The following SCN2A variants were observed in gnomAD, a reference collection of about 807,000 sequenced individuals.
The protein encoded by SCN2A is sodium channel protein type 2 subunit alpha.
In SCN2A, 20 loss-of-function variants were observed where a neutral mutation model predicts 188.7. The ratio of observed to expected loss-of-function variants is 0.11; its 90% CI spans 0.07 to 0.15. The LOEUF is 0.15. Ranked by LOEUF, SCN2A falls within the 10% of genes least tolerant of loss-of-function variation. SCN2A has a pLI of 1.00. For synonymous variants in SCN2A, 804 were observed against 833.1 expected, an observed-to-expected ratio of 0.97 and a Z score of 0.60; for missense variants, 1,278 against 2,445.0, an observed-to-expected ratio of 0.52 and a Z score of 10.07.
At chr2:165,373,706 C>A (rs1252784468) in intron 21 of SCN2A, among the ~76,000 whole-genome samples, 1 of 152,154 alleles carries the variant, frequency 6.6e-6, no homozygotes, top group Non-Finnish European at 1.5e-5. Flanking sequence ...CTCATCATTT[C>A]TTCACTACTC....
chr2:165,294,615 T>TG (rs1414249178), intron 1 of SCN2A, among the ~76,000 whole-genome samples: 1 of 152,100 alleles, frequency 6.6e-6, no homozygotes, highest in African/African-American at 2.4e-5. Context: ...TCCTATAGTA[T>TG]GGGGGTGAAA....
chr2:165,287,353 T>G (rs936792698), intron 1 of SCN2A, among the ~76,000 whole-genome samples: 1 of 152,176 alleles, frequency 6.6e-6, no homozygotes, highest in Non-Finnish European at 1.5e-5. Flanking sequence ...TGAAGTTGTG[T>G]GCATGCTCAC....
intron 20 of SCN2A, chr2:165,370,569 A>G: frequency 5.4e-6 from 2 of 369,530 alleles, no homozygotes; most frequent in South Asian, 8.9e-5. Context: ...AAAATAAAAT[A>G]TGAATTTAGA....
chr2:165,260,830 G>A (rs1694561559), intron 1 of SCN2A, among the ~76,000 whole-genome samples: 1 of 151,720 alleles, frequency 6.6e-6, no homozygotes, highest in Admixed American at 6.6e-5. Flanking sequence ...ATGAGTTGGG[G>A]GTGGTGGCAG....
chr2:165,315,862 C>T, intron 11 of SCN2A, 104 bp downstream of exon 11: 1 of 1,276,752 alleles, frequency 7.8e-7, no homozygotes, highest in Non-Finnish European at 1.1e-6. Context: ...TGGCACAATG[C>T]TTTCAGAGTA....
At chr2:165,252,240 G>A (rs934258751) in intron 1 of SCN2A, among the ~76,000 whole-genome samples, 40 of 152,004 alleles carry the variant, frequency 2.6e-4, no homozygotes, top group African/African-American at 8.2e-4. Context: ...ATATCTGAAT[G>A]CATCAAGATA....
At position 165,332,216 on chromosome 2, in the gene SCN2A, G is replaced by A. The variant is rs140710804; in HGVS notation, c.2388+648G>A. Among the ~76,000 whole-genome samples the A allele has an allele frequency of 3.9e-5, 6 of 152,028 alleles. No homozygotes were observed. The East Asian group carries it at 7.7e-4, about 20-fold the overall frequency. On this transcript the variant is annotated intron_variant, in intron 14 of 26. Transcript: ENST00000375437. ...AAGTATATTTATACAAGTATAAAAT[G>A]CTTATTAAGTTCCCAGCTTGATAAA...
At chr2:165,321,460 C>T (rs1350182014) in intron 11 of SCN2A, among the ~76,000 whole-genome samples, 1 of 152,162 alleles carries the variant, frequency 6.6e-6, no homozygotes, top group Non-Finnish European at 1.5e-5. Context: ...TATCAATTTA[C>T]TGTATTAATC....
intron 18 of SCN2A, among the ~76,000 whole-genome samples, chr2:165,366,406 T>C (rs1700728032): frequency 6.6e-6 from 1 of 152,166 alleles, no homozygotes; most frequent in Non-Finnish European, 1.5e-5. Context: ...TTATTGATAA[T>C]GGCCAGATTT....
chr2:165,279,275 G>A (rs1695482274), intron 1 of SCN2A, among the ~76,000 whole-genome samples: 1 of 152,196 alleles, frequency 6.6e-6, no homozygotes, highest in African/African-American at 2.4e-5. Flanking sequence ...TGGTATTTGA[G>A]ATAATTTTGA....
intron 3 of SCN2A, among the ~76,000 whole-genome samples, chr2:165,303,876 A>C (rs772162434): frequency 1.3e-5 from 2 of 152,186 alleles, no homozygotes; most frequent in African/African-American, 2.4e-5. Flanking sequence ...TCGACTTATT[A>C]TCAGTGACTA....
chr2:165,331,075 A>G lies in SCN2A; in HGVS notation c.2150-255A>G, dbSNP rs890129521. Among the ~76,000 whole-genome samples, 4 of 152,186 alleles carry G rather than the reference A, an allele frequency of 2.6e-5. No individual in the cohort carries two copies. In the East Asian group the frequency reaches 7.7e-4, roughly 29 times the overall value. ...TCTAGCAGCCTTGAAGATAAGTATCAGACAGTTTAGTGTTGCCAATAGAAT... is the reference window on the plus strand; with the variant it reads ...TCTAGCAGCCTTGAAGATAAGTATCGGACAGTTTAGTGTTGCCAATAGAAT... On this transcript the variant is annotated intron_variant, in intron 13 of 26. Transcript: ENST00000375437.
At chr2:165,373,728 A>C (rs539225190) in intron 21 of SCN2A, among the ~76,000 whole-genome samples, 2 of 152,264 alleles carry the variant, frequency 1.3e-5, no homozygotes, top group Non-Finnish European at 2.9e-5. Flanking sequence ...GCTGTGATAC[A>C]CTTTGAGCCT....
intron 1 of SCN2A, among the ~76,000 whole-genome samples, chr2:165,287,685 C>T (rs947686789): frequency 2.0e-5 from 3 of 152,196 alleles, no homozygotes; most frequent in African/African-American, 7.2e-5. Flanking sequence ...CCTACTCTAA[C>T]ATTGCTTCTC....
intron 1 of SCN2A, among the ~76,000 whole-genome samples, chr2:165,253,540 A>G (rs966832355): frequency 1.3e-5 from 2 of 152,146 alleles, no homozygotes; most frequent in African/African-American, 4.8e-5. Context: ...ATTGGGACAC[A>G]GCCATGCTTA....
chr2:165,262,389 GTCCTCAAAGTCCATTGTA>G (rs1694633864), intron 1 of SCN2A, among the ~76,000 whole-genome samples: 1 of 151,982 alleles, frequency 6.6e-6, no homozygotes, highest in Non-Finnish European at 1.5e-5. Flanking sequence ...TTTCCCCTGA[GTCCTCAAAGTCCATTGTA>G]TCATTCTTAT....
chr2:165,254,663 TGACAATTTCACTTTCATA>T (rs1694241803), intron 1 of SCN2A, among the ~76,000 whole-genome samples: 1 of 151,844 alleles, frequency 6.6e-6, no homozygotes, highest in Non-Finnish European at 1.5e-5. Context: ...TACATCATTT[TGACAATTTCACTTTCATA>T]GACGTACACA....
intron 1 of SCN2A, among the ~76,000 whole-genome samples, chr2:165,249,698 T>A (rs1694005557): frequency 6.6e-6 from 1 of 152,036 alleles, no homozygotes; most frequent in Non-Finnish European, 1.5e-5. Flanking sequence ...GCCACCCAGT[T>A]AACTCTCCTA....
At chr2:165,245,005 TAAGAG>T (rs1014890721) in intron 1 of SCN2A, among the ~76,000 whole-genome samples, 14 of 152,188 alleles carry the variant, frequency 9.2e-5, no homozygotes, top group South Asian at 2.1e-4. Context: ...AATGTTATGA[TAAGAG>T]AAGACTGACA....
Sources: allele counts gnomAD v4.1 joint callset (sites outside exome capture counted in the v4.1 genomes callset), GRCh38; gene constraint gnomAD v4.1.1; transcripts MANE v1.5; gene names NCBI Gene and HGNC (gene_info 2026-07-23, HGNC 2026-07-21).